The following PPP1R14C variants were observed in gnomAD, a reference collection of about 807,000 sequenced individuals.
PPP1R14C encodes the protein protein phosphatase 1 regulatory subunit 14C.
Under a neutral mutation model 20.4 loss-of-function variants are expected in PPP1R14C, and 16 were observed. The ratio of observed to expected loss-of-function variants is 0.78; its 90% CI spans 0.53 to 1.19. PPP1R14C has a LOEUF of 1.19. Ranked by LOEUF, PPP1R14C falls within the 50% of genes most tolerant of loss-of-function variation. The pLI, the probability that PPP1R14C is intolerant of heterozygous loss-of-function variation, is 0.00. For missense variants in PPP1R14C, 211 were observed against 220.1 expected, an observed-to-expected ratio of 0.96 and a Z score of 0.26; for synonymous variants, 91 against 91.0, an observed-to-expected ratio of 1.00 and a Z score of 0.00.
intron 1 of PPP1R14C, among the ~76,000 whole-genome samples, chr6:150,187,247 C>CTCTGTGTGTG (rs1394033275): frequency 7.1e-6 from 1 of 141,496 alleles, no homozygotes; most frequent in Non-Finnish European, 1.5e-5. Context: ...TTCTCTTTCT[C>CTCTGTGTGTG]TGTGTGTGTG....
At chr6:150,192,261 C>T (rs1316767458) in intron 1 of PPP1R14C, among the ~76,000 whole-genome samples, 1 of 152,108 alleles carries the variant, frequency 6.6e-6, no homozygotes, top group Non-Finnish European at 1.5e-5. Context: ...GAGCAGTGGT[C>T]CCCAACCTTT....
At chr6:150,158,604 T>G (rs1375857066) in intron 1 of PPP1R14C, among the ~76,000 whole-genome samples, 1 of 152,252 alleles carries the variant, frequency 6.6e-6, no homozygotes, top group Non-Finnish European at 1.5e-5. Flanking sequence ...TAACTATCAG[T>G]AGTGCTTTTT....
chr6:150,221,527 A>G (rs796664561), intron 3 of PPP1R14C, among the ~76,000 whole-genome samples: 3 of 152,354 alleles, frequency 2.0e-5, no homozygotes, highest in African/African-American at 7.2e-5. Flanking sequence ...TTGTTATGCC[A>G]CTTGGAAGTT....
At chr6:150,166,967 A>T (rs1777428860) in intron 1 of PPP1R14C, among the ~76,000 whole-genome samples, 1 of 152,226 alleles carries the variant, frequency 6.6e-6, no homozygotes, top group Non-Finnish European at 1.5e-5. Flanking sequence ...GCGGTGGCTC[A>T]CGTCTGTAAT....
chr6:150,234,848 C>CAAAAAAAAAAAAAAA (rs56139981), intron 3 of PPP1R14C, among the ~76,000 whole-genome samples: 1 of 41,832 alleles, frequency 2.4e-5, no homozygotes, highest in African/African-American at 1.0e-4. Flanking sequence ...GACTCTGTCT[C>CAAAAAAAAAAAAAAA]AAAAAAAAAA....
intron 1 of PPP1R14C, among the ~76,000 whole-genome samples, chr6:150,157,538 A>G (rs1195539251): frequency 6.6e-6 from 1 of 152,178 alleles, no homozygotes; most frequent in African/African-American, 2.4e-5. Context: ...GTAGCAGAAT[A>G]CCTGAGACTG....
intron 1 of PPP1R14C, among the ~76,000 whole-genome samples, chr6:150,177,730 C>G (rs1376355035): frequency 1.3e-5 from 2 of 152,158 alleles, no homozygotes; most frequent in Non-Finnish European, 2.9e-5. Context: ...GATTCAGCAC[C>G]CTGTGAGGCC....
At chr6:150,238,660 A>G (rs1778395255) in intron 3 of PPP1R14C, among the ~76,000 whole-genome samples, 1 of 152,196 alleles carries the variant, frequency 6.6e-6, no homozygotes, top group African/African-American at 2.4e-5. Context: ...CTGGCCTGGG[A>G]GCTCCTGGAA....
At position 150,143,979 on chromosome 6, in the gene PPP1R14C, G is replaced by T. The variant is rs533535463; in HGVS notation, c.306+481G>T. ...GGAAGCTGCCTCGTGGAAAGGAGAG[G>T]TTCTGGGGATCTCAGAGGCCCCCTT... is the stretch of plus-strand genomic sequence containing the variant. On this transcript the variant is annotated intron_variant, in intron 1 of 3. Transcript: ENST00000361131. The surrounding 1 kb of genome is among the most constrained non-coding windows in gnomAD (Gnocchi z 5.6). 6.6e-6 allele frequency among the ~76,000 whole-genome samples: 1 copy of T among 152,336 alleles called. No homozygotes were observed. The highest frequency in any genetic ancestry group is 2.1e-4 in the South Asian group (1 of 4,830).
intron 1 of PPP1R14C, among the ~76,000 whole-genome samples, chr6:150,158,433 G>C (rs1343467033): frequency 6.6e-6 from 1 of 152,150 alleles, no homozygotes; most frequent in African/African-American, 2.4e-5. Flanking sequence ...CTCCAGAATG[G>C]AAAATCTTGT....
At position 150,201,198 on chromosome 6, in the gene PPP1R14C, T is replaced by C. The variant is rs1744826819; in HGVS notation, c.307-13546T>C. ...TGTTATTTTATTTACAAAATGATTA[T>C]CGGGGTCATGTGTCAGGCGCTATCC... On this transcript the variant is annotated intron_variant, in intron 1 of 3. Coordinates refer to ENST00000361131, the MANE Select transcript of PPP1R14C (RefSeq NM_030949.3). The surrounding 1 kb of genome is among the most constrained non-coding windows in gnomAD (Gnocchi z 4.2). Among the ~76,000 whole-genome samples the C allele has an allele frequency of 6.6e-6, 1 of 152,196 alleles. No individual in the cohort carries two copies.
intron 1 of PPP1R14C, among the ~76,000 whole-genome samples, chr6:150,196,723 A>G (rs1562266605): frequency 6.6e-6 from 1 of 152,206 alleles, no homozygotes; most frequent in East Asian, 1.9e-4. Context: ...CTCCCTGTCC[A>G]TCTGCTGTGA....
intron 1 of PPP1R14C, among the ~76,000 whole-genome samples, chr6:150,190,434 CT>C (rs147541303): frequency 0.017 from 2,423 of 139,804 alleles, 37 homozygotes; most frequent in African/African-American, 0.049. Context: ...TGTATTTTGC[CT>C]TTTTTTTTTT....
At chr6:150,217,770 C>T (rs1282014537) in intron 3 of PPP1R14C, among the ~76,000 whole-genome samples, 2 of 152,120 alleles carry the variant, frequency 1.3e-5, no homozygotes, top group African/African-American at 2.4e-5. Context: ...TTATAAGATC[C>T]GTCAGATGTT....
At chr6:150,195,976 C>A in intron 1 of PPP1R14C, 1 of 985,434 alleles carries the variant, frequency 1.0e-6, no homozygotes, top group African/African-American at 1.7e-5. Context: ...TGCCACTCTG[C>A]AGCTTGGTCG....
At chr6:150,206,094 G>A (rs902219366) in intron 1 of PPP1R14C, among the ~76,000 whole-genome samples, 21 of 151,902 alleles carry the variant, frequency 1.4e-4, no homozygotes, top group Non-Finnish European at 1.5e-5. Flanking sequence ...CAGTGACCCC[G>A]GGCTCCTGGC....
intron 1 of PPP1R14C, among the ~76,000 whole-genome samples, chr6:150,205,983 A>G (rs930622483): frequency 2.2e-4 from 33 of 151,930 alleles, no homozygotes; most frequent in African/African-American, 7.0e-4. Flanking sequence ...GAACCCATCA[A>G]TGGCTTTTCT....
At chr6:150,162,252 G>A (rs1178538544) in intron 1 of PPP1R14C, among the ~76,000 whole-genome samples, 2 of 151,906 alleles carry the variant, frequency 1.3e-5, no homozygotes, top group African/African-American at 4.8e-5. Flanking sequence ...ACGGGGTTTC[G>A]CCATGTTGGC....
chr6:150,179,225 G>A (rs182250132), intron 1 of PPP1R14C, among the ~76,000 whole-genome samples: 84 of 152,198 alleles, frequency 5.5e-4, no homozygotes, highest in Non-Finnish European at 1.1e-3. Context: ...GGACAACATA[G>A]CAAGACCCTA....
Sources: gnomAD v4.1 joint callset for allele counts (sites outside exome capture counted in the v4.1 genomes callset) on GRCh38, gnomAD v4.1.1 for gene constraint, Gnocchi (gnomAD v3.1) non-coding constraint, MANE v1.5 for transcripts, NCBI Gene and HGNC (gene_info 2026-07-23, HGNC 2026-07-21) for gene names.